Variants in SGCD observed in about 807,000 individuals in gnomAD.
The protein encoded by SGCD is sarcoglycan delta, also known as delta-sarcoglycan.
A neutral mutation model predicts 36.6 loss-of-function variants in SGCD; 18 were observed. That is an observed-to-expected ratio of 0.49 (90% CI 0.34 to 0.73). The LOEUF (loss-of-function observed/expected upper bound fraction) is 0.73, where lower values mean the gene tolerates loss of function less well. Among genes scored for constraint, SGCD ranks in the 30% least tolerant of loss-of-function variants. The pLI, the probability that SGCD is intolerant of heterozygous loss-of-function variation, is 0.01. For missense variants in SGCD, 387 were observed against 346.7 expected (o/e 1.12, Z -0.92); for synonymous variants, 133 against 130.6 (o/e 1.02, Z -0.12).
intron 7 of SGCD, among the ~76,000 whole-genome samples, chr5:156,736,321 A>ATAGGATAAACTTGACACATC (rs1756362678): frequency 6.6e-6 from 1 of 152,250 alleles, no homozygotes; most frequent in Non-Finnish European, 1.5e-5. Flanking sequence ...ACAGAAAGCC[A>ATAGGATAAACTTGACACATC]TAGGATAAAC....
chr5:155,906,360 T>C (rs1326622738), intron 1 of SGCD, among the ~76,000 whole-genome samples: 1 of 151,730 alleles, frequency 6.6e-6, no homozygotes, highest in Admixed American at 6.6e-5. Flanking sequence ...TGAAAGAGAG[T>C]TGCATGTCTC....
At chr5:155,743,599 A>T in the SGCD span, among the ~76,000 whole-genome samples, 1 of 152,254 alleles carries the variant, frequency 6.6e-6, no homozygotes, top group South Asian at 2.1e-4. Context: ...CTATATTTTC[A>T]CTTGACAGAC....
intron 1 of SGCD, among the ~76,000 whole-genome samples, chr5:156,055,710 G>C (rs1223194471): frequency 6.8e-6 from 1 of 146,280 alleles, no homozygotes; most frequent in Non-Finnish European, 1.5e-5. Flanking sequence ...CTGGATGCCT[G>C]GTAAATAAGA....
At chr5:155,907,467 C>T (rs1382945823) in intron 1 of SGCD, among the ~76,000 whole-genome samples, 2 of 152,050 alleles carry the variant, frequency 1.3e-5, no homozygotes, top group African/African-American at 4.8e-5. Flanking sequence ...AATTAAAAAC[C>T]TTCTGGAACA....
chr5:155,782,653 G>A, the SGCD span, among the ~76,000 whole-genome samples: 22 of 152,234 alleles, frequency 1.4e-4, no homozygotes, highest in South Asian at 1.5e-3. Flanking sequence ...GTTATGAGCC[G>A]GGCTGCACAG....
chr5:156,399,624 A>G (rs1772039681), intron 3 of SGCD, among the ~76,000 whole-genome samples: 1 of 152,202 alleles, frequency 6.6e-6, no homozygotes. Flanking sequence ...AGTTAAGACA[A>G]CGAAGACAAG....
At chr5:156,752,907 C>T (rs1757201899) in intron 7 of SGCD, among the ~76,000 whole-genome samples, 1 of 152,102 alleles carries the variant, frequency 6.6e-6, no homozygotes. Context: ...GTGCCACATA[C>T]CATGTTACTG....
At chr5:156,611,521 C>T (rs1245247428) in intron 6 of SGCD, among the ~76,000 whole-genome samples, 1 of 152,112 alleles carries the variant, frequency 6.6e-6, no homozygotes, top group African/African-American at 2.4e-5. Flanking sequence ...ACACATTTTT[C>T]TTAAAGCTTT....
At chr5:156,225,095 C>T (rs1396895799) in intron 3 of SGCD, among the ~76,000 whole-genome samples, 6 of 151,992 alleles carry the variant, frequency 3.9e-5, no homozygotes, top group African/African-American at 1.4e-4. Context: ...TGTTGTGTAC[C>T]TCCAATGCAA....
At position 156,060,102 on chromosome 5, in the gene SGCD, C is replaced by G. The variant is rs1171831679; in HGVS notation, c.-281-57776C>G. Among the ~76,000 whole-genome samples the G allele has an allele frequency of 1.4e-5, 2 of 146,396 alleles. 1 individual carries two copies. The highest frequency in any genetic ancestry group is 3.1e-5 in the Non-Finnish European group (2 of 64,986). On this transcript the variant is annotated intron_variant, in intron 1 of 9. Coordinates refer to the SGCD transcript ENST00000517913. Reference sequence around the variant, plus strand: ...AGAACAATTAATCTAAAATATTAACCTGCATTTTTTGTTCAGACTATTTCA... The same window carrying G: ...AGAACAATTAATCTAAAATATTAACGTGCATTTTTTGTTCAGACTATTTCA...
chr5:156,754,109 G>A (rs1369720659), intron 7 of SGCD, among the ~76,000 whole-genome samples: 2 of 152,118 alleles, frequency 1.3e-5, no homozygotes, highest in Non-Finnish European at 2.9e-5. Flanking sequence ...TTCTTTCATG[G>A]CTGAGATGTG....
At chr5:156,545,631 C>T (rs6880968) in intron 4 of SGCD, among the ~76,000 whole-genome samples, 1,723 of 152,172 alleles carry the variant, frequency 0.011, 32 homozygotes, top group African/African-American at 0.033. Context: ...AAGCTAATAC[C>T]ACTGCAGATC....
intron 3 of SGCD, among the ~76,000 whole-genome samples, chr5:156,269,387 G>A (rs577538793): frequency 3.9e-4 from 58 of 146,984 alleles, no homozygotes; most frequent in African/African-American, 6.0e-4. Context: ...GGAGAATGGC[G>A]TGAACCTGGG....
At chr5:156,248,317 C>A (rs1264305299) in intron 3 of SGCD, among the ~76,000 whole-genome samples, 1 of 152,034 alleles carries the variant, frequency 6.6e-6, no homozygotes, top group Non-Finnish European at 1.5e-5. Flanking sequence ...GTCAAGAGAT[C>A]GAGACCATCC....
intron 1 of SGCD, among the ~76,000 whole-genome samples, chr5:156,096,430 A>C (rs906496528): frequency 1.3e-5 from 2 of 152,228 alleles, no homozygotes; most frequent in African/African-American, 4.8e-5. Flanking sequence ...ACAGAATTCA[A>C]GGACTTAAGA....
At chr5:156,262,592 T>A (rs1048175414) in intron 3 of SGCD, among the ~76,000 whole-genome samples, 2 of 152,058 alleles carry the variant, frequency 1.3e-5, no homozygotes, top group Admixed American at 1.3e-4. Context: ...GTTACATGAG[T>A]AAGTTCTTTA....
At chr5:156,592,207 G>A (rs1020697489) in intron 5 of SGCD, among the ~76,000 whole-genome samples, 1 of 152,004 alleles carries the variant, frequency 6.6e-6, no homozygotes, top group African/African-American at 2.4e-5. Flanking sequence ...AAGCATGTGT[G>A]TCCCCAAGTT....
At chr5:156,752,488 G>A (rs1407560149) in intron 7 of SGCD, among the ~76,000 whole-genome samples, 3 of 152,138 alleles carry the variant, frequency 2.0e-5, no homozygotes, top group Admixed American at 6.5e-5. Flanking sequence ...TGCCTCTCGG[G>A]TTCAAGCAAT....
chr5:156,684,038 G>A (rs1334171985), intron 7 of SGCD, among the ~76,000 whole-genome samples: 1 of 152,154 alleles, frequency 6.6e-6, no homozygotes, highest in East Asian at 1.9e-4. Context: ...CATAAGCCAG[G>A]GACGAGGTTT....
Sources: gnomAD v4.1 joint callset for allele counts (sites outside exome capture counted in the v4.1 genomes callset) on GRCh38, gnomAD v4.1.1 for gene constraint, MANE v1.5 for transcripts, NCBI Gene and HGNC (gene_info 2026-07-23, HGNC 2026-07-21) for gene names.